Variants in PFAS observed in about 807,000 individuals in gnomAD.
PFAS encodes the protein phosphoribosylformylglycinamidine synthase, also known as FGAM synthase.
Under a neutral mutation model 140.6 loss-of-function variants are expected in PFAS, and 97 were observed. That is an observed-to-expected ratio of 0.69 (90% confidence interval 0.59 to 0.82). The LOEUF (loss-of-function observed/expected upper bound fraction) is 0.82. Among genes scored for constraint, PFAS ranks in the 40% least tolerant of loss-of-function variants. PFAS has a pLI of 0.00. For missense variants in PFAS, 1,656 were observed against 1,780.2 expected (o/e 0.93, Z 1.26); for synonymous variants, 679 against 718.8 (o/e 0.94, Z 0.88).
rs1989308080 is a variant in PFAS, at chr17:8,255,109, A to G, written c.361A>G (p.Thr121Ala). Residue 121 changes from threonine (T) to alanine (A), a missense_variant, in exon 4 of 28, where the codon ACC becomes GCC. Transcript: ENST00000314666. ...TGLGPVDRVE[T>A]TRRYRLSFAH... is the part of the protein sequence containing the mutation. ...GCTGGGGCCTGTGGATCGTGTGGAG[A>G]CCACCCGGCGCTACCGGCTCTCGGT... is the stretch of plus-strand genomic sequence containing the variant. The G allele has an allele frequency of 6.2e-7, 1 of 1,612,032 alleles. No individual in the cohort carries two copies.
chr17:8,269,307 A>G lies in PFAS; in HGVS notation c.*43A>G, dbSNP rs1989947412. 1.4e-6 allele frequency: 2 copies of G among 1,438,866 alleles called. No individual in the cohort carries two copies. The highest frequency in any genetic ancestry group is 4.0e-5 in the Admixed American group (2 of 49,978). The allele number at this position is 1,438,866 out of a possible 1,614,324, so 89.1% of individuals were successfully genotyped here. The stretch of plus-strand genomic sequence containing the variant: ...CCTGGGCCCCATGGCTTTTCACCTA[A>G]GTGGGTCCTGCCCCCTCCCCCATGA... On this transcript the variant is annotated 3_prime_UTR_variant, in exon 28 of 28. Coordinates refer to ENST00000314666, the MANE Select transcript of PFAS (RefSeq NM_012393.3).
In PFAS at chr17:8,257,789, T is replaced by C. The variant is rs757770256; in HGVS notation, c.1076-18T>C. 4 of 1,613,600 alleles carry C rather than the reference T, an allele frequency of 2.5e-6. No individual in the cohort carries two copies. The Admixed American group carries it at 6.7e-5, about 27-fold the overall frequency. On this transcript the variant is annotated intron_variant, in intron 9 of 27. Transcript: ENST00000314666. ...ACAGTTCATTCAGTTCATCCAGTTC[T>C]CTCTCCTTCCCTCCCAGGTTACAAT...
chr17:8,260,127 G>A (rs1319349228), intron 11 of PFAS, among the ~76,000 whole-genome samples: 2 of 151,856 alleles, frequency 1.3e-5, no homozygotes, highest in Non-Finnish European at 2.9e-5. Context: ...TTTTTTAAGT[G>A]TGGTAAATAC....
chr17:8,247,708 C>A (rs946630932), upstream of PFAS: 12 of 394,800 alleles, frequency 3.0e-5, no homozygotes, highest in African/African-American at 2.5e-4. Context: ...AGGGTCTTCT[C>A]CAGGAACCCA....
At position 8,254,005 on chromosome 17, in the gene PFAS, G is replaced by A. The variant is rs573066925; in HGVS notation, c.68G>A (p.Arg23Gln). 35 of 1,614,120 alleles carry A rather than the reference G, an allele frequency of 2.2e-5. No homozygotes were observed. Among genetic ancestry groups the A allele is most frequent in the Middle Eastern group, 1.6e-4 (1 of 6,062 alleles). ...GAGGGGGCAGCCCCTGGACACACTC[G>A]GAGGAAACTGCAAGGGAAACTGCCA... ...GHEGAAPGHTRRKLQGKLPEL... is the reference protein window; with the variant it reads ...GHEGAAPGHTQRKLQGKLPEL... Residue 23 changes from arginine (R) to glutamine (Q), a missense_variant, in exon 2 of 28, where the codon CGG (arginine) becomes CAG (glutamine). Arg to Gln is a conservative substitution (Grantham distance 43). Around this residue, in one of 2 missense-constraint regions of PFAS, gnomAD observed 773 missense variants for 757.3 expected, o/e 1.02. Transcript: ENST00000314666.
chr17:8,253,807 G>C, intron 1 of PFAS, 52 bp from the exon 2 acceptor site: 1 of 1,351,350 alleles, frequency 7.4e-7, no homozygotes, highest in Non-Finnish European at 9.8e-7. Flanking sequence ...CCAAAGTGCT[G>C]GGGTTACAGA....
intron 11 of PFAS, among the ~76,000 whole-genome samples, chr17:8,259,190 A>G (rs1989494891): frequency 6.6e-6 from 1 of 150,898 alleles, no homozygotes; most frequent in Admixed American, 6.6e-5. Context: ...GTAACATGGC[A>G]TACCGTTTTT....
At chr17:8,258,913 G>A (rs1989479450) in intron 11 of PFAS, among the ~76,000 whole-genome samples, 1 of 151,638 alleles carries the variant, frequency 6.6e-6, no homozygotes, top group Non-Finnish European at 1.5e-5. Flanking sequence ...GTGAACCCAG[G>A]AGGTGGAGCT....
At position 8,257,533 on chromosome 17, in the gene PFAS, G is replaced by T. The variant is rs144008370; in HGVS notation, c.1076-274G>T. On this transcript the variant is annotated intron_variant, in intron 9 of 27. Transcript: ENST00000314666. ...ATCACGCCACTGCACGCTAGCCTGG[G>T]TGATAGAGCGAGACTCCATCTCAAA... Among the ~76,000 whole-genome samples the T allele has an allele frequency of 3.3e-5, 5 of 152,028 alleles. No homozygotes were observed. In the South Asian group the frequency reaches 1.0e-3, roughly 32 times the overall value.
intron 1 of PFAS, among the ~76,000 whole-genome samples, chr17:8,253,292 C>T (rs1989230371): frequency 1.3e-5 from 2 of 152,120 alleles, no homozygotes; most frequent in Non-Finnish European, 2.9e-5. Context: ...TTTCTAAGAC[C>T]TTGACTGGGG....
rs754334804 is a variant in PFAS at position 8,265,353 on chromosome 17, G to T, written c.2346G>T (p.Ala782=). Residue 782 remains alanine (A), a synonymous_variant, in exon 19 of 28, where the codon GCG becomes GCT. Transcript: ENST00000314666. ...AKLPGEGAAL[A]DACEAMVAVM... Reference sequence around the variant, plus strand: ...TCCCAGGGGAGGGCGCAGCTTTGGCGGATGCCTGTGAGGCTATGGTGGCAG... The same window carrying T: ...TCCCAGGGGAGGGCGCAGCTTTGGCTGATGCCTGTGAGGCTATGGTGGCAG... 1.7e-5 allele frequency: 28 copies of T among 1,614,034 alleles called. No individual in the cohort carries two copies. Among genetic ancestry groups the T allele is most frequent in the Middle Eastern group, 3.3e-4 (2 of 6,034 alleles).
In PFAS at chr17:8,266,201, C is replaced by T. The variant is rs1294377922; in HGVS notation, c.2702-33C>T. On this transcript the variant is annotated intron_variant, in intron 21 of 27. Transcript: ENST00000314666. This position sits in a 1 kb window ranked among gnomAD's most constrained non-coding sequence, Gnocchi z 5.0. ...GGGTGGGGCTGTCAGGTTTGGGTCC[C>T]GAGGTTGCTGAGCTTTCTTCTCCTT... 18 of 1,612,144 alleles carry T rather than the reference C, an allele frequency of 1.1e-5. No homozygotes were observed. The highest frequency in any genetic ancestry group is 2.2e-5 in the East Asian group (1 of 44,864).
Position 8,257,820 on chromosome 17 carries a change from C to T in PFAS, c.1089C>T (p.Pro363=). 1 of 1,614,008 alleles carries T rather than the reference C, an allele frequency of 6.2e-7. No individual in the cohort carries two copies. Among genetic ancestry groups the T allele is most frequent in the East Asian group, 2.2e-5 (1 of 44,884 alleles). The change falls in exon 10 of 28, where the codon CCC becomes CCT. Residue 363 remains proline (P), a synonymous_variant. Coordinates refer to ENST00000314666, the MANE Select transcript of PFAS (RefSeq NM_012393.3). ...CTTCCCTCCCAGGTTACAATCTGCCCTGGGAGGATCCAAGCTTCCAGTATC... is the reference window on the plus strand; with the variant it reads ...CTTCCCTCCCAGGTTACAATCTGCCTTGGGAGGATCCAAGCTTCCAGTATC... The part of the protein sequence containing the change: ...GNLHIPGYNL[P]WEDPSFQYPG...
At chr17:8,254,728 C>G (rs1318632790) in intron 3 of PFAS, among the ~76,000 whole-genome samples, 1 of 152,128 alleles carries the variant, frequency 6.6e-6, no homozygotes, top group Non-Finnish European at 1.5e-5. Flanking sequence ...GGTGTGAACC[C>G]GGGAGGCAGA....
intron 26 of PFAS, among the ~76,000 whole-genome samples, chr17:8,268,138 C>T (rs1336468809): frequency 1.4e-4 from 20 of 145,390 alleles, no homozygotes; most frequent in African/African-American, 4.7e-4. Context: ...CTTGGCTCAC[C>T]GCAACCTCCA....
In PFAS at chr17:8,266,350, G is replaced by C. The variant is rs1294975399; in HGVS notation, c.2818G>C (p.Asp940His). ...GGTGGATGTGCCTGTCCCCAGGGTT[G>C]ATGGTAAGGAACCTGGGGTCTAGTC... The part of the protein sequence containing the change: ...LQVDVPVPRV[D>H]VLSVLFAEEP... Residue 940 changes from aspartate (D) to histidine (H), a missense_variant, in exon 22 of 28, where the codon GAT (aspartate) becomes CAT (histidine). This residue lies in a region of PFAS where 883 missense variants were observed against 1,023.0 expected (regional missense o/e 0.86). Coordinates refer to ENST00000314666, the MANE Select transcript of PFAS (RefSeq NM_012393.3). This position sits in a 1 kb window ranked among gnomAD's most constrained non-coding sequence, Gnocchi z 5.0. 6.2e-7 allele frequency: 1 copy of C among 1,614,026 alleles called. No individual in the cohort carries two copies. The highest frequency in any genetic ancestry group is 1.3e-5 in the African/African-American group (1 of 75,018).
chr17:8,261,257 G>A lies in PFAS; in HGVS notation c.1337-1663G>A, dbSNP rs189831173. 2.0e-4 allele frequency among the ~76,000 whole-genome samples: 30 copies of A among 150,498 alleles called. No individual in the cohort carries two copies. The East Asian group carries it at 5.6e-3, about 28-fold the overall frequency. ...TTTCTTTCTTTTTTTTTTTTGTAGA[G>A]ACAGAGTCTTGCTCTGTTACTCAGG... On this transcript the variant is annotated intron_variant, in intron 11 of 27. Transcript: ENST00000314666.
chr17:8,268,008 A>G (rs937410694), intron 26 of PFAS, among the ~76,000 whole-genome samples: 1 of 133,924 alleles, frequency 7.5e-6, no homozygotes, highest in Non-Finnish European at 1.6e-5. Context: ...TATATTATTT[A>G]TATATATTAT....
At chr17:8,260,211 A>T (rs1989537997) in intron 11 of PFAS, among the ~76,000 whole-genome samples, 1 of 149,936 alleles carries the variant, frequency 6.7e-6, no homozygotes, top group Non-Finnish European at 1.5e-5. Context: ...TTTGCAGTAT[A>T]CTTTTGTGTG....
Sources: gnomAD v4.1 joint callset for allele counts (sites outside exome capture counted in the v4.1 genomes callset) on GRCh38, gnomAD v4.1.1 for gene constraint, gnomAD v4.1.1 regional missense constraint, Gnocchi (gnomAD v3.1) non-coding constraint, MANE v1.5 for transcripts, NCBI Gene and HGNC (gene_info 2026-07-23, HGNC 2026-07-21) for gene names.